Variants in DISC1 observed in about 807,000 individuals in gnomAD.
The protein encoded by DISC1 is disrupted in schizophrenia 1 protein.
In DISC1, 57 loss-of-function variants were observed where a neutral mutation model predicts 84.5. The ratio of observed to expected loss-of-function variants is 0.67; its 90% CI spans 0.55 to 0.84. The LOEUF (loss-of-function observed/expected upper bound fraction) is 0.84, where lower values mean the gene tolerates loss of function less well. DISC1 is among the 40% of genes least tolerant of loss of function. The probability of loss-of-function intolerance (pLI) is 0.00; values close to 1 mark genes in which losing one functional copy is unlikely to be tolerated. For missense variants in DISC1, 1,000 were observed against 1,057.8 expected, an observed-to-expected ratio of 0.95 and a Z score of 0.76; for synonymous variants, 411 against 415.2, an observed-to-expected ratio of 0.99 and a Z score of 0.12.
At chr1:231,745,142 G>A (rs1012709901) in intron 3 of DISC1, among the ~76,000 whole-genome samples, 19 of 151,818 alleles carry the variant, frequency 1.3e-4, no homozygotes, top group African/African-American at 4.6e-4. Context: ...ATATTTATGG[G>A]GTACATAGCG....
intron 1 of DISC1, among the ~76,000 whole-genome samples, chr1:231,665,021 T>A (rs1302051387): frequency 6.6e-6 from 1 of 152,174 alleles, no homozygotes; most frequent in Non-Finnish European, 1.5e-5. Context: ...AGTAAAAATT[T>A]ATCAAAACGT....
At chr1:231,686,761 G>A (rs556872549) in intron 1 of DISC1, among the ~76,000 whole-genome samples, 2 of 152,232 alleles carry the variant, frequency 1.3e-5, no homozygotes, top group East Asian at 3.9e-4. Flanking sequence ...CTGTCACATT[G>A]TTATGCTGCA....
chr1:231,919,501 A>G (rs1165332128), intron 9 of DISC1, among the ~76,000 whole-genome samples: 1 of 152,174 alleles, frequency 6.6e-6, no homozygotes, highest in Non-Finnish European at 1.5e-5. Context: ...ACAGCAGTCT[A>G]AGTGTATGTC....
At chr1:231,885,904 A>G (rs2086647993) in intron 9 of DISC1, among the ~76,000 whole-genome samples, 1 of 152,206 alleles carries the variant, frequency 6.6e-6, no homozygotes, top group Non-Finnish European at 1.5e-5. Flanking sequence ...GCCATAACAG[A>G]ACACCATAGA....
intron 9 of DISC1, among the ~76,000 whole-genome samples, chr1:231,948,979 C>T (rs1212111508): frequency 6.7e-6 from 1 of 150,202 alleles, no homozygotes; most frequent in Admixed American, 6.7e-5. Flanking sequence ...AAGCGATTCT[C>T]CTGCCTCAGC....
intron 5 of DISC1, 62 bp downstream of exon 5, chr1:231,767,331 C>CT: frequency 6.3e-7 from 1 of 1,598,564 alleles, no homozygotes; most frequent in African/African-American, 1.3e-5. Context: ...GAGACAGGGT[C>CT]TTGCTCTGTT....
chr1:231,876,918 G>A (rs1266991893), intron 9 of DISC1, among the ~76,000 whole-genome samples: 1 of 152,208 alleles, frequency 6.6e-6, no homozygotes, highest in Admixed American at 6.5e-5. Context: ...TGGGCAGGGT[G>A]TGTACAGGGT....
intron 9 of DISC1, among the ~76,000 whole-genome samples, chr1:231,911,991 C>T (rs1462303732): frequency 6.6e-6 from 1 of 152,152 alleles, no homozygotes; most frequent in Non-Finnish European, 1.5e-5. Flanking sequence ...GCATGTGTCA[C>T]ATAGTTCTCG....
chr1:231,864,877 A>G (rs202174200), intron 9 of DISC1, among the ~76,000 whole-genome samples: 56 of 152,248 alleles, frequency 3.7e-4, no homozygotes, highest in Non-Finnish European at 7.9e-4. Flanking sequence ...AGATTACTCC[A>G]GAAGGAGAAA....
Position 232,008,987 on chromosome 1 carries a change from T to C in DISC1, c.2245T>C (p.Leu749=), listed in dbSNP as rs754975683. 16 of 1,613,782 alleles carry C rather than the reference T, an allele frequency of 9.9e-6. No individual in the cohort carries two copies. In the East Asian group the frequency reaches 1.6e-4, roughly 16 times the overall value. The change falls in exon 11 of 13, where the codon TTG becomes CTG. Residue 749 remains leucine (L), a synonymous_variant. Coordinates refer to ENST00000439617, the MANE Select transcript of DISC1 (RefSeq NM_018662.3). ...TAAAAGGAAGACCCCTTTGAAGGTA[T>C]TGGAAGAATGGAAGACTCACCTCAT... ...EDKRKTPLKV[L]EEWKTHLIPS...
chr1:231,635,624 A>T (rs1027559621), intron 1 of DISC1, among the ~76,000 whole-genome samples: 1 of 152,210 alleles, frequency 6.6e-6, no homozygotes. Context: ...TCACTGGATT[A>T]GACCAAACTC....
intron 9 of DISC1, among the ~76,000 whole-genome samples, chr1:231,852,877 G>C (rs1376445708): frequency 1.3e-5 from 2 of 152,158 alleles, no homozygotes; most frequent in Non-Finnish European, 2.9e-5. Context: ...AAATAGAATT[G>C]TAACTAAGTT....
chr1:231,781,426 CTTT>C (rs1432861219), intron 6 of DISC1, among the ~76,000 whole-genome samples: 2 of 152,032 alleles, frequency 1.3e-5, no homozygotes, highest in African/African-American at 4.8e-5. Flanking sequence ...ATCCATTTCT[CTTT>C]TATATAATTT....
chr1:232,019,636 C>T (rs1668770201), intron 11 of DISC1, among the ~76,000 whole-genome samples: 1 of 152,120 alleles, frequency 6.6e-6, no homozygotes, highest in Non-Finnish European at 1.5e-5. Context: ...CAGAGAGACA[C>T]TCAGTGTGTG....
chr1:232,009,068 G>A lies in DISC1; in HGVS notation c.2307+19G>A. The A allele has an allele frequency of 6.2e-7, 1 of 1,613,606 alleles. No individual in the cohort carries two copies. The highest frequency in any genetic ancestry group is 1.3e-5 in the African/African-American group (1 of 75,010). ...GAAAGAGGTCTGTCCTTTTCACATG[G>A]CCTCCAGAGGGGACCCTTATTCTAA... On this transcript the variant is annotated intron_variant, in intron 11 of 12. Transcript: ENST00000439617. This position sits in a 1 kb window ranked among gnomAD's most constrained non-coding sequence, Gnocchi z 4.6.
intron 12 of DISC1, among the ~76,000 whole-genome samples, chr1:232,029,671 T>A (rs1669816996): frequency 6.6e-6 from 1 of 152,266 alleles, no homozygotes; most frequent in African/African-American, 2.4e-5. Context: ...CATTGGAATG[T>A]GATTAATGTA....
chr1:231,841,675 G>T (rs556064365), intron 9 of DISC1, among the ~76,000 whole-genome samples: 2 of 152,306 alleles, frequency 1.3e-5, no homozygotes, highest in East Asian at 1.9e-4. Flanking sequence ...GAGGGTTTGT[G>T]TGGTGACACC....
At chr1:231,999,992 A>G (rs947494861) in intron 10 of DISC1, among the ~76,000 whole-genome samples, 1 of 152,250 alleles carries the variant, frequency 6.6e-6, no homozygotes, top group Admixed American at 6.5e-5. Flanking sequence ...GAATTCCCTC[A>G]TAAAATAAAA....
intron 6 of DISC1, among the ~76,000 whole-genome samples, chr1:231,780,187 T>C (rs373199317): frequency 7.1e-6 from 1 of 141,122 alleles, no homozygotes; most frequent in Non-Finnish European, 1.5e-5. Context: ...TGTATAAATA[T>C]GTAACTAACC....
Sources: gnomAD v4.1 joint callset for allele counts (sites outside exome capture counted in the v4.1 genomes callset) on GRCh38, gnomAD v4.1.1 for gene constraint, Gnocchi (gnomAD v3.1) non-coding constraint, MANE v1.5 for transcripts, NCBI Gene and HGNC (gene_info 2026-07-23, HGNC 2026-07-21) for gene names.